The following NOL7 variants were observed in gnomAD, a reference collection of about 807,000 sequenced individuals.
NOL7 encodes the protein U3 small nucleolar RNA-associated protein NOL7.
In NOL7, 36 loss-of-function variants were observed where a neutral mutation model predicts 38.4. The ratio of observed to expected loss-of-function variants is 0.94; its 90% CI spans 0.72 to 1.24. NOL7 has a LOEUF of 1.24. NOL7 is among the 50% of genes most tolerant of loss of function. The probability of loss-of-function intolerance (pLI) is 0.00; values close to 1 mark genes in which losing one functional copy is unlikely to be tolerated. For missense variants in NOL7, 350 were observed against 315.1 expected (o/e 1.11, Z -0.84); for synonymous variants, 142 against 126.5 (o/e 1.12, Z -0.82).
In NOL7 at chr6:13,620,934, G is replaced by A; in HGVS notation, c.*107G>A. The A allele has an allele frequency of 4.3e-6, 3 of 689,944 alleles. No homozygotes were observed. The highest frequency in any genetic ancestry group is 7.1e-6 in the Non-Finnish European group (3 of 424,758). The allele number at this position is 689,944 out of a possible 1,614,324, so 42.7% of individuals were successfully genotyped here. On this transcript the variant is annotated 3_prime_UTR_variant, in exon 8 of 8. Transcript: ENST00000451315. Reference sequence around the variant, plus strand: ...TTATAAAAATCATAAACCTATTTGAGGAAGTGCTCAACCACATTTCATTCT... The same window carrying A: ...TTATAAAAATCATAAACCTATTTGAAGAAGTGCTCAACCACATTTCATTCT...
intron 8 of NOL7, chr6:13,632,341 C>T (rs1764810323): frequency 6.2e-7 from 1 of 1,600,106 alleles, no homozygotes; most frequent in South Asian, 1.1e-5. Context: ...CTGACATATT[C>T]ATAATTTTTC....
In NOL7 at chr6:13,617,818, TTAAC is replaced by T. The variant is rs551165584; in HGVS notation, c.418+23_418+26del. ...TGAAAGAAGGTATGACTATTCTAAT[TTAAC>T]TAACTTCTCATGTAAGTGTCAAGTG... is the stretch of plus-strand genomic sequence containing the variant. On this transcript the variant is annotated intron_variant, in intron 4 of 7. Transcript: ENST00000451315. 16 of 1,609,330 alleles carry T rather than the reference TTAAC, an allele frequency of 9.9e-6. No homozygotes were observed. Among genetic ancestry groups the T allele is most frequent in the African/African-American group, 2.7e-5 (2 of 74,840 alleles).
chr6:13,619,472 T>C (rs1764377798), intron 5 of NOL7, among the ~76,000 whole-genome samples: 1 of 152,200 alleles, frequency 6.6e-6, no homozygotes, highest in Non-Finnish European at 1.5e-5. Context: ...CAAGATCAAA[T>C]ATAGAAACAA....
chr6:13,618,178 C>A, intron 5 of NOL7, 39 bp downstream of exon 5: 1 of 907,660 alleles, frequency 1.1e-6, no homozygotes, highest in Non-Finnish European at 1.7e-6. Flanking sequence ...GTAAAGGAGA[C>A]CTTTAAGAGA....
At position 13,618,149 on chromosome 6, in the gene NOL7, C is replaced by G; in HGVS notation, c.500+10C>G. 6.7e-7 allele frequency: 1 copy of G among 1,494,698 alleles called. No individual in the cohort carries two copies. Among genetic ancestry groups the G allele is most frequent in the Non-Finnish European group, 9.3e-7 (1 of 1,079,874 alleles). 92.6% of individuals were successfully genotyped at this position (1,494,698 alleles called of 1,614,324 possible). On this transcript the variant is annotated intron_variant, in intron 5 of 7. Coordinates refer to ENST00000451315, the MANE Select transcript of NOL7 (RefSeq NM_016167.5). ...AAGTACAGTCTGTCAGGTAATGAGT[C>G]TTTTGTTTCATTTGGGATGTAAAGG...
chr6:13,627,630 C>CAAAAAAAAAAAAAAAAA (rs35401168), intron 8 of NOL7, among the ~76,000 whole-genome samples: 7 of 66,406 alleles, frequency 1.1e-4, no homozygotes, highest in Admixed American at 5.2e-4. Flanking sequence ...ACTCCATCTC[C>CAAAAAAAAAAAAAAAAA]AAAAAAAAAA....
intron 3 of NOL7, 59 bp downstream of exon 3, chr6:13,616,580 C>T: frequency 8.9e-7 from 1 of 1,118,226 alleles, no homozygotes; most frequent in Non-Finnish European, 1.3e-6. Flanking sequence ...GAATTATATA[C>T]TGGTACATTT....
At chr6:13,625,686 G>T (rs564437360), downstream of NOL7, 4 of 1,612,760 alleles carry the variant, frequency 2.5e-6, no homozygotes, top group East Asian at 4.5e-5. Flanking sequence ...GAGCACACAG[G>T]TTCTCTCTGA....
chr6:13,621,131 A>AATGGAT lies in NOL7; in HGVS notation c.*307_*312dup. Reference sequence around the variant, plus strand: ...AAAAATGGCACGGACTAAAAGGAGAAATGGATATTCCAGCAAAGTCTCTAA... The same window carrying AATGGAT: ...AAAAATGGCACGGACTAAAAGGAGAAATGGATATGGATATTCCAGCAAAGTCTCTAA... On this transcript the variant is annotated 3_prime_UTR_variant, in exon 8 of 8. Coordinates refer to ENST00000451315, the MANE Select transcript of NOL7 (RefSeq NM_016167.5). 5.5e-6 allele frequency: 1 copy of AATGGAT among 182,984 alleles called. No individual in the cohort carries two copies. Among genetic ancestry groups the AATGGAT allele is most frequent in the Non-Finnish European group, 1.1e-5 (1 of 87,744 alleles). 11.3% of individuals were successfully genotyped at this position (182,984 alleles called of 1,614,324 possible).
At chr6:13,617,251 C>T (rs1443483287) in intron 3 of NOL7, among the ~76,000 whole-genome samples, 1 of 151,688 alleles carries the variant, frequency 6.6e-6, no homozygotes, top group Non-Finnish European at 1.5e-5. Flanking sequence ...ATTTGCCCCC[C>T]CCCACCTCCC....
downstream of NOL7, chr6:13,625,519 G>A (rs1011674492): frequency 1.6e-5 from 8 of 508,652 alleles, no homozygotes; most frequent in East Asian, 3.2e-5. Context: ...CTATATTTTA[G>A]GTATTTTTAT....
intron 5 of NOL7, among the ~76,000 whole-genome samples, chr6:13,619,650 TAGTATA>T (rs1764382850): frequency 6.6e-6 from 1 of 152,232 alleles, no homozygotes; most frequent in Non-Finnish European, 1.5e-5. Flanking sequence ...CTTTTGGTTT[TAGTATA>T]TTTTAGTACA....
At chr6:13,624,053 TAA>T (rs750295239), downstream of NOL7, among the ~76,000 whole-genome samples, 1 of 152,228 alleles carries the variant, frequency 6.6e-6, no homozygotes, top group Non-Finnish European at 1.5e-5. Context: ...GCATTATTAC[TAA>T]GTTACTTTTA....
chr6:13,631,844 A>G (rs1764791428), intron 8 of NOL7, among the ~76,000 whole-genome samples: 1 of 152,248 alleles, frequency 6.6e-6, no homozygotes, highest in South Asian at 2.1e-4. Context: ...ACAACAATCC[A>G]GAAGAGACTT....
chr6:13,627,293 A>G (rs1477227867), intron 8 of NOL7, among the ~76,000 whole-genome samples: 1 of 152,106 alleles, frequency 6.6e-6, no homozygotes, highest in Non-Finnish European at 1.5e-5. Context: ...TGGAAAGAAT[A>G]TATGACCCTT....
chr6:13,618,234 TTTA>T (rs1284200157), intron 5 of NOL7, 95 bp downstream of exon 5: 22 of 431,622 alleles, frequency 5.1e-5, no homozygotes, highest in South Asian at 1.5e-4. Context: ...TTTATTTTAT[TTTA>T]TTTTTATTTT....
chr6:13,621,800 G>A (rs188956001), downstream of NOL7: 1 of 152,646 alleles, frequency 6.6e-6, no homozygotes, highest in African/African-American at 2.4e-5. Context: ...GGTCGGGATT[G>A]TAAGTAGCAA....
In NOL7 at chr6:13,621,622, CTAAA is replaced by C. The variant is rs938591989; in HGVS notation, c.*798_*801del. 1 of 152,634 alleles carries C rather than the reference CTAAA, an allele frequency of 6.6e-6. No homozygotes were observed. Among genetic ancestry groups the C allele is most frequent in the South Asian group, 2.1e-4 (1 of 4,828 alleles). 9.5% of individuals were successfully genotyped at this position (152,634 alleles called of 1,614,324 possible). A position where few individuals can be genotyped will look rare whatever the true frequency, so the allele number is the denominator to read the frequency against. On this transcript the variant is annotated 3_prime_UTR_variant, in exon 8 of 8. Transcript: ENST00000451315. The stretch of plus-strand genomic sequence containing the variant: ...ATTAAATTAAGACACGGTAAATTGA[CTAAA>C]TATTTGGTTTTTATATAAATAAAGG...
intron 5 of NOL7, among the ~76,000 whole-genome samples, chr6:13,618,682 A>C (rs1012019794): frequency 3.9e-5 from 6 of 152,180 alleles, no homozygotes; most frequent in African/African-American, 1.4e-4. Flanking sequence ...TTGAGTCCAG[A>C]ATTTCAAGAC....
Sources: allele counts gnomAD v4.1 joint callset (sites outside exome capture counted in the v4.1 genomes callset), GRCh38; gene constraint gnomAD v4.1.1; transcripts MANE v1.5; gene names NCBI Gene and HGNC (gene_info 2026-07-23, HGNC 2026-07-21).